The following PIK3C2G variants were observed in gnomAD, a reference collection of about 807,000 sequenced individuals.
PIK3C2G encodes the protein phosphatidylinositol 3-kinase C2 domain-containing subunit gamma.
A neutral mutation model predicts 181.1 loss-of-function variants in PIK3C2G; 168 were observed. The observed-to-expected ratio is 0.93, with a 90% CI of 0.82 to 1.05. PIK3C2G has a LOEUF of 1.05. Among genes scored for constraint, PIK3C2G ranks in the 50% least tolerant of loss-of-function variants. The pLI, the probability that PIK3C2G is intolerant of heterozygous loss-of-function variation, is 0.00. For missense variants in PIK3C2G, 1,869 were observed against 1,732.8 expected, an observed-to-expected ratio of 1.08 and a Z score of -1.40; for synonymous variants, 573 against 592.2, an observed-to-expected ratio of 0.97 and a Z score of 0.47.
chr12:18,640,351 T>C, intron 31 of PIK3C2G, 78 bp from the exon 32 acceptor site: 3 of 1,220,660 alleles, frequency 2.5e-6, no homozygotes, highest in Non-Finnish European at 3.4e-6. Flanking sequence ...CTGCCTTTGG[T>C]CTGGATATTT....
At chr12:18,459,671 T>C (rs911394266) in intron 18 of PIK3C2G, among the ~76,000 whole-genome samples, 2 of 152,162 alleles carry the variant, frequency 1.3e-5, no homozygotes, top group African/African-American at 4.8e-5. Context: ...ATGCCTAAAT[T>C]GAATGGACAC....
chr12:18,608,271 G>A (rs1324163604), intron 30 of PIK3C2G, among the ~76,000 whole-genome samples: 4 of 151,856 alleles, frequency 2.6e-5, no homozygotes, highest in South Asian at 2.1e-4. Flanking sequence ...TGTTTATTGC[G>A]GCACTATTCA....
Position 18,491,499 on chromosome 12 carries a change from G to A in PIK3C2G, c.2734G>A (p.Val912Ile), listed in dbSNP as rs911704915. ...IGRLEEFFQDVNTCHLPLNPA... is the reference protein window; with the variant it reads ...IGRLEEFFQDINTCHLPLNPA... ...CAGACTAGAAGAGTTCTTTCAAGATGTAAATACTTGTCATCTTCCTCTGAA... is the reference window on the plus strand; with the variant it reads ...CAGACTAGAAGAGTTCTTTCAAGATATAAATACTTGTCATCTTCCTCTGAA... Residue 912 changes from valine (V) to isoleucine (I), a missense_variant, in exon 20 of 33, where the codon GTA (valine) becomes ATA (isoleucine). Transcript: ENST00000538779. The A allele has an allele frequency of 3.7e-6, 6 of 1,609,882 alleles. No homozygotes were observed. In the African/African-American group the frequency reaches 6.7e-5, roughly 18 times the overall value.
chr12:18,405,397 G>GTGTTGTTGTTGT (rs58282294), intron 16 of PIK3C2G, among the ~76,000 whole-genome samples: 134 of 139,880 alleles, frequency 9.6e-4, no homozygotes, highest in Non-Finnish European at 1.1e-3. Flanking sequence ...AGCAACATTT[G>GTGTTGTTGTTGT]TGTTGTTGTT....
chr12:18,541,262 C>A (rs750449253), intron 25 of PIK3C2G, among the ~76,000 whole-genome samples: 8 of 151,870 alleles, frequency 5.3e-5, no homozygotes, highest in Non-Finnish European at 1.2e-4. Flanking sequence ...TAGTAAAGAG[C>A]AGCATGTCTC....
intron 31 of PIK3C2G, among the ~76,000 whole-genome samples, chr12:18,624,691 T>A (rs1460252766): frequency 6.6e-6 from 1 of 151,678 alleles, no homozygotes; most frequent in Non-Finnish European, 1.5e-5. Flanking sequence ...GAGGAGAGAC[T>A]TTTTATTACT....
At chr12:18,700,512 C>A in the PIK3C2G span, among the ~76,000 whole-genome samples, 83 of 67,890 alleles carry the variant, frequency 1.2e-3, no homozygotes, top group African/African-American at 3.8e-3. Flanking sequence ...AGCCAACGTA[C>A]AAAAAAAAAA....
At position 18,613,082 on chromosome 12, in the gene PIK3C2G, ACTCT is replaced by A. The variant is rs1366049789; in HGVS notation, c.4182+3458_4182+3461del. ...AGTTAGATTTGAAATATTTTTAAAAACTCTCTCTAGCACTTTTCCATGTATCCGT... is the reference window on the plus strand; with the variant it reads ...AGTTAGATTTGAAATATTTTTAAAAACTCTAGCACTTTTCCATGTATCCGT... On this transcript the variant is annotated intron_variant, in intron 31 of 32. Coordinates refer to ENST00000538779, the MANE Select transcript of PIK3C2G (RefSeq NM_001288772.2). Among the ~76,000 whole-genome samples, 3 of 151,924 alleles carry A rather than the reference ACTCT, an allele frequency of 2.0e-5. No individual in the cohort carries two copies. In the East Asian group the frequency reaches 5.8e-4, roughly 29 times the overall value.
chr12:18,280,978 T>C (rs187152561), intron 1 of PIK3C2G, among the ~76,000 whole-genome samples: 1 of 151,920 alleles, frequency 6.6e-6, no homozygotes, highest in East Asian at 1.9e-4. Flanking sequence ...TGGTTTCTGG[T>C]TTGAGCAGCT....
In PIK3C2G at chr12:18,488,597, A is replaced by C; in HGVS notation, c.2653A>C (p.Arg885=). ...LIKILGDIGE[R]VKSASDHQRQ... is the part of the protein sequence containing the mutation. ...CAAAATTCTGGGAGATATTGGGGAA[A>C]GAGTCAAGTCTGCCAGTGACCATCA... The change falls in exon 19 of 33, where the codon AGA becomes CGA. Residue 885 remains arginine (R), a synonymous_variant. Coordinates refer to ENST00000538779, the MANE Select transcript of PIK3C2G (RefSeq NM_001288772.2). 6.4e-7 allele frequency: 1 copy of C among 1,565,586 alleles called. No individual in the cohort carries two copies. Among genetic ancestry groups the C allele is most frequent in the South Asian group, 1.2e-5 (1 of 82,484 alleles).
intron 5 of PIK3C2G, among the ~76,000 whole-genome samples, chr12:18,303,945 A>T (rs1029027122): frequency 6.7e-6 from 1 of 148,768 alleles, no homozygotes; most frequent in African/African-American, 2.5e-5. Flanking sequence ...ACATATTCTT[A>T]AAAAAAAAAG....
chr12:18,377,546 C>G (rs768902584), intron 13 of PIK3C2G, among the ~76,000 whole-genome samples: 20 of 152,140 alleles, frequency 1.3e-4, no homozygotes, highest in Non-Finnish European at 1.5e-5. Context: ...CAAACACCAG[C>G]AGAACCTCAA....
chr12:18,635,879 G>A (rs1395133140), intron 31 of PIK3C2G, among the ~76,000 whole-genome samples: 1 of 152,140 alleles, frequency 6.6e-6, no homozygotes, highest in Non-Finnish European at 1.5e-5. Context: ...ACTAGTCATT[G>A]TGCCTCTTTC....
intron 11 of PIK3C2G, among the ~76,000 whole-genome samples, chr12:18,361,933 C>G (rs1290097393): frequency 1.3e-5 from 2 of 152,040 alleles, no homozygotes; most frequent in Non-Finnish European, 2.9e-5. Context: ...GCTTTGTCCA[C>G]TGTACCATAG....
At chr12:18,688,092 T>G in the PIK3C2G span, 4 of 1,610,752 alleles carry the variant, frequency 2.5e-6, no homozygotes, top group Admixed American at 1.7e-5. Context: ...AGCTCACCAT[T>G]TTTTTTAATT....
At chr12:18,295,792 G>A (rs1257321621) in intron 5 of PIK3C2G, among the ~76,000 whole-genome samples, 1 of 151,746 alleles carries the variant, frequency 6.6e-6, no homozygotes, top group East Asian at 1.9e-4. Flanking sequence ...TATTTGTATT[G>A]ACAGAACTTA....
chr12:18,248,637 C>T (rs1948066321), intron 1 of PIK3C2G, among the ~76,000 whole-genome samples: 1 of 152,036 alleles, frequency 6.6e-6, no homozygotes, highest in African/African-American at 2.4e-5. Flanking sequence ...GATTTTTATA[C>T]GTTTCTATTA....
chr12:18,597,564 A>G (rs992763125), intron 30 of PIK3C2G, among the ~76,000 whole-genome samples: 5 of 152,182 alleles, frequency 3.3e-5, no homozygotes, highest in Non-Finnish European at 7.4e-5. Flanking sequence ...TCATAACTCT[A>G]TGTGAAAACA....
At chr12:18,330,853 G>A (rs967756352) in intron 8 of PIK3C2G, among the ~76,000 whole-genome samples, 8 of 152,086 alleles carry the variant, frequency 5.3e-5, no homozygotes, top group African/African-American at 1.7e-4. Context: ...TGGTTCGTTC[G>A]CTTGCTTTTT....
Sources: allele counts gnomAD v4.1 joint callset (sites outside exome capture counted in the v4.1 genomes callset), GRCh38; gene constraint gnomAD v4.1.1; transcripts MANE v1.5; gene names NCBI Gene and HGNC (gene_info 2026-07-23, HGNC 2026-07-21).